MTSS2: variants seen among roughly 807,000 people sequenced by gnomAD.
MTSS2 encodes the protein protein MTSS 2.
A neutral mutation model predicts 67.1 loss-of-function variants in MTSS2; 27 were observed. The ratio of observed to expected loss-of-function variants is 0.40; its 90% confidence interval spans 0.30 to 0.55. MTSS2 has a LOEUF of 0.55. Ranked by LOEUF, MTSS2 falls within the 20% of genes least tolerant of loss-of-function variation. The pLI is 0.43. For synonymous variants in MTSS2, 624 were observed against 468.6 expected, an observed-to-expected ratio of 1.33 and a Z score of -4.28; for missense variants, 1,171 against 1,067.8, an observed-to-expected ratio of 1.10 and a Z score of -1.35.
At chr16:70,667,550 A>G (rs1017471163) in intron 11 of MTSS2, among the ~76,000 whole-genome samples, 1 of 152,266 alleles carries the variant, frequency 6.6e-6, no homozygotes, top group African/African-American at 2.4e-5. Context: ...AAAAATTCCA[A>G]TGACAGATAT....
intron 11 of MTSS2, among the ~76,000 whole-genome samples, chr16:70,667,383 C>A (rs1325839012): frequency 4.0e-5 from 6 of 151,370 alleles, no homozygotes; most frequent in Admixed American, 6.6e-5. Context: ...AGGGGTTAAC[C>A]CTTTAACAAG....
intron 11 of MTSS2, among the ~76,000 whole-genome samples, chr16:70,674,039 G>A (rs138155634): frequency 2.6e-5 from 4 of 152,260 alleles, no homozygotes; most frequent in Non-Finnish European, 4.4e-5. Flanking sequence ...AAAAGATAGA[G>A]GTTGTCAGAT....
chr16:70,664,728 C>G lies in MTSS2; in HGVS notation c.1341G>C (p.Leu447=), dbSNP rs2052634945. ...TCAGGCCCCGCGTCAGCACCATGGC[C>G]AGGTCACTGGCGGCGGGGGACACCT... ...GEEVSPAASD[L]AMVLTRGLSL... is the part of the protein sequence containing the mutation. Residue 447 remains leucine (L), a synonymous_variant, in exon 14 of 15, where the codon CTG becomes CTC. Transcript: ENST00000338779. The G allele has an allele frequency of 6.2e-7, 1 of 1,612,912 alleles. No individual in the cohort carries two copies. Among genetic ancestry groups the G allele is most frequent in the Admixed American group, 1.7e-5 (1 of 59,930 alleles).
rs1381108692 is a variant in MTSS2 at position 70,674,486 on chromosome 16, T to C, written c.873A>G (p.Pro291=). 1.9e-6 allele frequency: 3 copies of C among 1,613,854 alleles called. No individual in the cohort carries two copies. The highest frequency in any genetic ancestry group is 2.5e-6 in the Non-Finnish European group (3 of 1,179,998). ...AGTATGTTTGGGCACCCCCAGGCCA[T>C]GGGGCTCCGCCACCCTTGGCACTGC... The part of the protein sequence containing the change: ...SSSSAKGGGA[P]WPGGAQTYSP... The change falls in exon 11 of 15, where the codon CCA becomes CCG. Residue 291 remains proline (P), a synonymous_variant. Transcript: ENST00000338779.
In MTSS2 at chr16:70,676,925, G is replaced by T; in HGVS notation, c.786C>A (p.Pro262=). The part of the protein sequence containing the change: ...SDYSWSYQTP[P]SSPSSSSSRK... ...GGGAGCTGGAGCTGCTGGGTGATGA[G>T]GGTGGGGTCTGGTAGGACCAGCTGT... is the stretch of plus-strand genomic sequence containing the variant. Residue 262 remains proline (P), a synonymous_variant, in exon 10 of 15, where the codon CCC becomes CCA. Coordinates refer to ENST00000338779, the MANE Select transcript of MTSS2 (RefSeq NM_138383.3). The T allele has an allele frequency of 6.2e-7, 1 of 1,613,990 alleles. No individual in the cohort carries two copies. The highest frequency in any genetic ancestry group is 1.3e-5 in the African/African-American group (1 of 75,068).
chr16:70,663,400 G>C lies in MTSS2; in HGVS notation c.*277C>G, dbSNP rs2052565118. ...CTCTGGTGCTTATGGGTAGGGAAGA[G>C]GCAGGGCCCCAGAGGAGGAAGAGGA... On this transcript the variant is annotated 3_prime_UTR_variant, in exon 15 of 15. Transcript: ENST00000338779. 1 of 496,836 alleles carries C rather than the reference G, an allele frequency of 2.0e-6. No individual in the cohort carries two copies. Among genetic ancestry groups the C allele is most frequent in the East Asian group, 3.7e-5 (1 of 27,054 alleles). The allele number at this position is 496,836 out of a possible 1,614,324, so 30.8% of individuals were successfully genotyped here. A position where few individuals can be genotyped will look rare whatever the true frequency, so the allele number is the denominator to read the frequency against.
chr16:70,678,323 C>A lies in MTSS2; in HGVS notation c.553G>T (p.Ala185Ser). ...TCCTCGATCAGCGCCCGGCGCACGG[C>A]CTGCTTCTCCGTCTCCTCCAGCAGC... ...YLLLEETEKQ[A>S]VRRALIEERG... The change falls in exon 8 of 15, where the codon GCC (alanine) becomes TCC (serine). Residue 185 changes from alanine to serine, a missense_variant. Coordinates refer to ENST00000338779, the MANE Select transcript of MTSS2 (RefSeq NM_138383.3). 1.2e-6 allele frequency: 2 copies of A among 1,612,824 alleles called. No individual in the cohort carries two copies. Among genetic ancestry groups the A allele is most frequent in the Non-Finnish European group, 1.7e-6 (2 of 1,179,994 alleles).
In MTSS2 at chr16:70,663,962, G is replaced by T. The variant is rs372815907; in HGVS notation, c.1959C>A (p.Ala653=). The T allele has an allele frequency of 1.3e-6, 2 of 1,568,092 alleles. No individual in the cohort carries two copies. Among genetic ancestry groups the T allele is most frequent in the Non-Finnish European group, 8.6e-7 (1 of 1,158,552 alleles). The change falls in exon 15 of 15, where the codon GCC becomes GCA. Residue 653 remains alanine, a synonymous_variant. Coordinates refer to ENST00000338779, the MANE Select transcript of MTSS2 (RefSeq NM_138383.3). Reference sequence around the variant, plus strand: ...CCTCGGCCCCTGCCCCGGGGTACCCGGCTGCCTCTGGGGATGGGCTGCCCC... The same window carrying T: ...CCTCGGCCCCTGCCCCGGGGTACCCTGCTGCCTCTGGGGATGGGCTGCCCC... The part of the protein sequence containing the change: ...TAWGSPSPEA[A]GYPGAGAEDE...
chr16:70,679,745 C>T (rs369297219), intron 5 of MTSS2, 41 bp from the exon 6 acceptor site: 3 of 1,609,786 alleles, frequency 1.9e-6, no homozygotes, highest in Non-Finnish European at 2.5e-6. Context: ...GGGGTCCCTG[C>T]GGAGTGGGGG....
In MTSS2 at chr16:70,662,912, T is replaced by A. The variant is rs62050284; in HGVS notation, c.*765A>T. The A allele has an allele frequency of 0.034, 5,142 of 152,448 alleles. 152 individuals carry two copies. Among genetic ancestry groups the A allele is most frequent in the Non-Finnish European group, 0.053 (3,591 of 68,166 alleles). 9.4% of individuals were successfully genotyped at this position (152,448 alleles called of 1,614,324 possible). ...GTGGCTGGCCGGTGACCCCAGGGCC[T>A]CCGGCCTCCTAACCCTGCTGCCCTA... On this transcript the variant is annotated 3_prime_UTR_variant, in exon 15 of 15. Coordinates refer to ENST00000338779, the MANE Select transcript of MTSS2 (RefSeq NM_138383.3).
In MTSS2 at chr16:70,663,591, C is replaced by A; in HGVS notation, c.*86G>T. 10 of 1,456,254 alleles carry A rather than the reference C, an allele frequency of 6.9e-6. No individual in the cohort carries two copies. The highest frequency in any genetic ancestry group is 2.2e-4 in the Middle Eastern group (1 of 4,518). The allele number at this position is 1,456,254 out of a possible 1,614,324, so 90.2% of individuals were successfully genotyped here. ...GCCCTGGCTCTGTCCTCTCTCCTGG[C>A]TGGGCCTTTGCTCTGAGTGCCTGCG... On this transcript the variant is annotated 3_prime_UTR_variant, in exon 15 of 15. Transcript: ENST00000338779.
chr16:70,677,722 G>C (rs1338863878), intron 9 of MTSS2, 70 bp downstream of exon 9: 1 of 1,251,328 alleles, frequency 8.0e-7, no homozygotes, highest in Non-Finnish European at 1.1e-6. Flanking sequence ...CCCCTTTACT[G>C]TTCCCAACCT....
chr16:70,681,275 C>T (rs2053297293), intron 1 of MTSS2, among the ~76,000 whole-genome samples: 1 of 152,230 alleles, frequency 6.6e-6, no homozygotes, highest in South Asian at 2.1e-4. Flanking sequence ...ATCAGGACAT[C>T]CACCCTACAG....
In MTSS2 at chr16:70,679,339, G is replaced by T; in HGVS notation, c.458-16C>A. ...CCAAGTAGCTCTACAGGAAGGATGT[G>T]GGAGGAGAGGAGGAGAGACAGAGAA... On this transcript the variant is annotated splice_polypyrimidine_tract_variant and intron_variant, in intron 6 of 14. Coordinates refer to ENST00000338779, the MANE Select transcript of MTSS2 (RefSeq NM_138383.3). 1 of 1,613,784 alleles carries T rather than the reference G, an allele frequency of 6.2e-7. No individual in the cohort carries two copies. Among genetic ancestry groups the T allele is most frequent in the Non-Finnish European group, 8.5e-7 (1 of 1,179,740 alleles).
intron 1 of MTSS2, among the ~76,000 whole-genome samples, chr16:70,685,365 G>C (rs911130710): frequency 6.6e-6 from 1 of 152,222 alleles, no homozygotes; most frequent in Non-Finnish European, 1.5e-5. Flanking sequence ...GGTGGAAGGG[G>C]GCGGAGGCCG....
intron 1 of MTSS2, among the ~76,000 whole-genome samples, chr16:70,683,548 TG>T (rs1437546508): frequency 5.3e-5 from 8 of 152,194 alleles, no homozygotes; most frequent in African/African-American, 1.4e-4. Context: ...CCATTCACCT[TG>T]CTGAAGGTGC....
At position 70,664,015 on chromosome 16, in the gene MTSS2, T is replaced by A; in HGVS notation, c.1906A>T (p.Lys636Ter). 1 of 1,604,476 alleles carries A rather than the reference T, an allele frequency of 6.2e-7. No individual in the cohort carries two copies. The highest frequency in any genetic ancestry group is 8.5e-7 in the Non-Finnish European group (1 of 1,176,442). The change falls in exon 15 of 15, where the codon AAG (lysine) becomes TAG (stop). Residue 636 changes from lysine (K) to a stop codon, truncating the protein, a stop_gained. Transcript: ENST00000338779. LOFTEE classifies it low-confidence loss of function (END_TRUNC). ...LAPDLAKASP[K>*]RLSLPNTAWG... Reference sequence around the variant, plus strand: ...GCTGTGTTGGGCAGGCTGAGCCTCTTTGGGGAGGCCTTGGCGAGGTCCGGT... The same window carrying A: ...GCTGTGTTGGGCAGGCTGAGCCTCTATGGGGAGGCCTTGGCGAGGTCCGGT...
rs375641443 is a variant in MTSS2, at chr16:70,680,783, C to T, written c.205+11G>A. 7.7e-5 allele frequency: 119 copies of T among 1,550,930 alleles called. No individual in the cohort carries two copies. The highest frequency in any genetic ancestry group is 2.5e-4 in the Admixed American group (13 of 51,082). On this transcript the variant is annotated intron_variant, in intron 3 of 14. Transcript: ENST00000338779. Reference sequence around the variant, plus strand: ...GGGGCAACCCCAACCTCCAGCCACGCGCCTCCCCACCTCGGGTGTTGGTAG... The same window carrying T: ...GGGGCAACCCCAACCTCCAGCCACGTGCCTCCCCACCTCGGGTGTTGGTAG...
chr16:70,666,457 G>A (rs1336997462), intron 11 of MTSS2, among the ~76,000 whole-genome samples: 2 of 152,234 alleles, frequency 1.3e-5, no homozygotes, highest in East Asian at 3.8e-4. Context: ...GAGCATGTGT[G>A]ACCGGCAGGG....
Sources: allele counts gnomAD v4.1 joint callset (sites outside exome capture counted in the v4.1 genomes callset), GRCh38; gene constraint gnomAD v4.1.1; transcripts MANE v1.5; gene names NCBI Gene and HGNC (gene_info 2026-07-23, HGNC 2026-07-21).